The following TEAD2 variants were observed in gnomAD, a reference collection of about 807,000 sequenced individuals.
TEAD2 encodes the protein TEA domain transcription factor 2.
Under a neutral mutation model 61.4 loss-of-function variants are expected in TEAD2, and 51 were observed. That is an observed-to-expected ratio of 0.83 (90% CI 0.66 to 1.05). TEAD2 has a LOEUF of 1.05. TEAD2 is among the 50% of genes least tolerant of loss of function. The pLI is 0.00. For synonymous variants in TEAD2, 244 were observed against 243.2 expected (o/e 1.00, Z -0.03); for missense variants, 509 against 600.0 (o/e 0.85, Z 1.58).
intron 3 of TEAD2, among the ~76,000 whole-genome samples, chr19:49,357,962 C>T (rs1320166622): frequency 1.5e-4 from 23 of 152,062 alleles, no homozygotes; most frequent in Admixed American, 1.2e-3. Context: ...GGGCTGGGCT[C>T]AGTGGCTCAG....
At chr19:49,352,894 C>T (rs1346637798) in intron 7 of TEAD2, among the ~76,000 whole-genome samples, 1 of 151,908 alleles carries the variant, frequency 6.6e-6, no homozygotes, top group Non-Finnish European at 1.5e-5. Context: ...CCTCCCCCGC[C>T]CACCAAATAT....
intron 8 of TEAD2, 51 bp from the exon 9 acceptor site, chr19:49,348,896 T>A: frequency 1.4e-6 from 2 of 1,446,098 alleles, no homozygotes; most frequent in Non-Finnish European, 1.8e-6. Context: ...TTATGGAATA[T>A]ATCAGGTACT....
chr19:49,355,014 C>A, intron 7 of TEAD2, 134 bp downstream of exon 7: 1 of 650,684 alleles, frequency 1.5e-6, no homozygotes, highest in Non-Finnish European at 2.8e-6. Flanking sequence ...TAAATACATA[C>A]ATACATGCAT....
At chr19:49,357,157 CCCCTCTCCCTGGGTCTCTGT>C in intron 4 of TEAD2, 75 bp downstream of exon 4, 1 of 1,258,406 alleles carries the variant, frequency 7.9e-7, no homozygotes, top group Admixed American at 1.9e-5. Flanking sequence ...AGTCTCTGTC[CCCCTCTCCCTGGGTCTCTGT>C]CCCTCTCTTT....
intron 8 of TEAD2, among the ~76,000 whole-genome samples, chr19:49,350,100 A>G (rs982391435): frequency 6.6e-6 from 1 of 152,166 alleles, no homozygotes; most frequent in Non-Finnish European, 1.5e-5. Context: ...CACTGATGTG[A>G]GTTCTCAGGG....
In TEAD2 at chr19:49,355,345, A is replaced by G; in HGVS notation, c.447T>C (p.Ser149=). Residue 149 remains serine (S), a synonymous_variant, in exon 6 of 13, where the codon TCT becomes TCC. Transcript: ENST00000593945. The stretch of plus-strand genomic sequence containing the variant: ...CAGTGGGACCCAGTTTGGCCTGCAG[A>G]GAAGGCGCGGAGATGAGCTGGGCAG... ...MSSAQLISAP[S]LQAKLGPTGP... The G allele has an allele frequency of 6.2e-7, 1 of 1,614,164 alleles. No individual in the cohort carries two copies. The highest frequency in any genetic ancestry group is 8.5e-7 in the Non-Finnish European group (1 of 1,180,034).
Position 49,359,515 on chromosome 19 carries a change from CG to C in TEAD2, c.233-17del. ...TCATTCCGACCTGAAGATTCAAAGA[CG>C]GAACAGAGTTAGTTAGACTTTCAAC... On this transcript the variant is annotated splice_polypyrimidine_tract_variant and intron_variant, in intron 2 of 12. Coordinates refer to ENST00000593945, the MANE Select transcript of TEAD2 (RefSeq NM_001256660.2). The surrounding 1 kb of genome is among the most constrained non-coding windows in gnomAD (Gnocchi z 4.1). 1 of 1,613,866 alleles carries C rather than the reference CG, an allele frequency of 6.2e-7. No homozygotes were observed. Among genetic ancestry groups the C allele is most frequent in the Non-Finnish European group, 8.5e-7 (1 of 1,179,852 alleles).
At chr19:49,352,649 G>A (rs572856326) in intron 7 of TEAD2, among the ~76,000 whole-genome samples, 1 of 152,272 alleles carries the variant, frequency 6.6e-6, no homozygotes, top group East Asian at 1.9e-4. Context: ...CGATTCTCCT[G>A]CCTCAGCCTT....
At chr19:49,343,160 G>A in intron 11 of TEAD2, 71 bp downstream of exon 11, 1 of 1,498,742 alleles carries the variant, frequency 6.7e-7, no homozygotes, top group Non-Finnish European at 8.9e-7. Context: ...CCAAATGCCT[G>A]AGTCATGATG....
intron 10 of TEAD2, 124 bp from the exon 11 acceptor site, chr19:49,343,522 C>A: frequency 8.8e-7 from 1 of 1,141,396 alleles, no homozygotes; most frequent in East Asian, 2.7e-5. Context: ...GGCGGATCAC[C>A]TGAGGTTGGG....
chr19:49,340,738 A>T lies in TEAD2; in HGVS notation c.*586T>A. On this transcript the variant is annotated 3_prime_UTR_variant, in exon 13 of 13. Transcript: ENST00000593945. ...ACACACTGCTTGTGCAGCGGAGATA[A>T]AGTCAAGACCCTAGCACCCACTTAT... is the stretch of plus-strand genomic sequence containing the variant. The T allele has an allele frequency of 3.1e-6, 1 of 325,560 alleles. No homozygotes were observed. The highest frequency in any genetic ancestry group is 5.8e-6 in the Non-Finnish European group (1 of 171,456). 20.2% of individuals were successfully genotyped at this position (325,560 alleles called of 1,614,324 possible).
Position 49,343,466 on chromosome 19 carries a change from G to A in TEAD2, c.922-68C>T, listed in dbSNP as rs139421503. 3.5e-4 allele frequency: 532 copies of A among 1,509,112 alleles called. 1 individual carries two copies. The African/African-American group carries it at 4.1e-3, about 12-fold the overall frequency. 93.5% of individuals were successfully genotyped at this position (1,509,112 alleles called of 1,614,324 possible). On this transcript the variant is annotated intron_variant, in intron 10 of 12. Coordinates refer to ENST00000593945, the MANE Select transcript of TEAD2 (RefSeq NM_001256660.2). ...TTATAAACAGTGGGGACTACCAGGC[G>A]CAGTGGTTCACACCTGTAATCCCAG... is the stretch of plus-strand genomic sequence containing the variant.
At chr19:49,347,154 T>C (rs1344644525) in intron 10 of TEAD2, 36 bp downstream of exon 10, 1 of 1,608,536 alleles carries the variant, frequency 6.2e-7, no homozygotes, top group Non-Finnish European at 8.5e-7. Context: ...CACCACAGGA[T>C]TTGTGAGCAC....
rs1971817955 is a variant in TEAD2 at position 49,348,809 on chromosome 19, G to A, written c.641C>T (p.Pro214Leu). Reference protein sequence around the residue: ...EPPQALSPLPPPTPSPPAWQA... With the variant: ...EPPQALSPLPLPTPSPPAWQA... Reference sequence around the variant, plus strand: ...CCAGGCTGGGGGCGATGGGGTAGGTGGGGGCAGGGGTGAGAGGGCTTGGGG... The same window carrying A: ...CCAGGCTGGGGGCGATGGGGTAGGTAGGGGCAGGGGTGAGAGGGCTTGGGG... The change falls in exon 9 of 13, where the codon CCA becomes CTA. Residue 214 changes from proline to leucine, a missense_variant. By Grantham distance (98) the Pro-to-Leu change is moderately conservative. Coordinates refer to ENST00000593945, the MANE Select transcript of TEAD2 (RefSeq NM_001256660.2). 6.2e-7 allele frequency: 1 copy of A among 1,602,480 alleles called. No individual in the cohort carries two copies. The highest frequency in any genetic ancestry group is 8.5e-7 in the Non-Finnish European group (1 of 1,175,714).
chr19:49,355,138 T>C lies in TEAD2; in HGVS notation c.539+10A>G, dbSNP rs751184353. 5 of 1,604,404 alleles carry C rather than the reference T, an allele frequency of 3.1e-6. No individual in the cohort carries two copies. Among genetic ancestry groups the C allele is most frequent in the South Asian group, 2.2e-5 (2 of 89,740 alleles). ...GGGGCAGGTGCTGAGCCAGGACACATAGTACTCACTCTGGAACATTCCAGG... is the reference window on the plus strand; with the variant it reads ...GGGGCAGGTGCTGAGCCAGGACACACAGTACTCACTCTGGAACATTCCAGG... On this transcript the variant is annotated intron_variant, in intron 7 of 12. Coordinates refer to ENST00000593945, the MANE Select transcript of TEAD2 (RefSeq NM_001256660.2).
At chr19:49,355,098 G>A (rs1292841057) in intron 7 of TEAD2, 50 bp downstream of exon 7, 2 of 1,490,658 alleles carry the variant, frequency 1.3e-6, no homozygotes, top group Admixed American at 1.8e-5. Flanking sequence ...GGTCTCTGTG[G>A]GAGTGTGAGG....
chr19:49,341,195 TG>T lies in TEAD2; in HGVS notation c.*128del. The T allele has an allele frequency of 1.3e-6, 1 of 783,022 alleles. No homozygotes were observed. Among genetic ancestry groups the T allele is most frequent in the Non-Finnish European group, 2.1e-6 (1 of 483,632 alleles). The allele number at this position is 783,022 out of a possible 1,614,324, so 48.5% of individuals were successfully genotyped here. A position where few individuals can be genotyped will look rare whatever the true frequency, so the allele number is the denominator to read the frequency against. On this transcript the variant is annotated 3_prime_UTR_variant, in exon 13 of 13. Transcript: ENST00000593945. The surrounding 1 kb of genome is among the most constrained non-coding windows in gnomAD (Gnocchi z 4.2). ...CTCTAATGGGGGGGATGGCCCCAGT[TG>T]CTTAGGCCTCTGAGGTCAACCCCTT...
At chr19:49,353,307 C>G (rs777050357) in intron 7 of TEAD2, among the ~76,000 whole-genome samples, 2 of 152,040 alleles carry the variant, frequency 1.3e-5, no homozygotes, top group African/African-American at 2.4e-5. Flanking sequence ...CTATGCTGGA[C>G]AGGCTGGTCT....
intron 10 of TEAD2, among the ~76,000 whole-genome samples, chr19:49,344,469 C>G (rs1477297341): frequency 1.3e-5 from 2 of 151,892 alleles, no homozygotes; most frequent in Non-Finnish European, 2.9e-5. Flanking sequence ...TTAGTAGAGA[C>G]AGGGTTTTGT....
Sources: allele counts gnomAD v4.1 joint callset (sites outside exome capture counted in the v4.1 genomes callset), GRCh38; gene constraint gnomAD v4.1.1; non-coding constraint Gnocchi (gnomAD v3.1); transcripts MANE v1.5; gene names NCBI Gene and HGNC (gene_info 2026-07-23, HGNC 2026-07-21).